Variants in TMEFF2 observed in about 807,000 individuals in gnomAD.
TMEFF2 encodes transmembrane protein with EGF like and two follistatin like domains 2.
In TMEFF2, 28 loss-of-function variants were observed where a neutral mutation model predicts 53.8. That is an observed-to-expected ratio of 0.52 (90% CI 0.39 to 0.71). The LOEUF (loss-of-function observed/expected upper bound fraction) is 0.71. Among genes scored for constraint, TMEFF2 ranks in the 30% least tolerant of loss-of-function variants. The pLI, the probability that TMEFF2 is intolerant of heterozygous loss-of-function variation, is 0.00. For missense variants in TMEFF2, 353 were observed against 455.2 expected, an observed-to-expected ratio of 0.78 and a Z score of 2.04; for synonymous variants, 162 against 166.3, an observed-to-expected ratio of 0.97 and a Z score of 0.20.
chr2:192,067,723 C>T (rs1688199781), intron 4 of TMEFF2, among the ~76,000 whole-genome samples: 1 of 151,796 alleles, frequency 6.6e-6, no homozygotes, highest in African/African-American at 2.4e-5. Flanking sequence ...TTTGAATAAT[C>T]AAATAAAGAC....
chr2:192,194,807 C>T lies in TMEFF2; in HGVS notation c.-283G>A. On this transcript the variant is annotated 5_prime_UTR_variant, in exon 1 of 10. Coordinates refer to ENST00000272771, the MANE Select transcript of TMEFF2 (RefSeq NM_016192.4). The surrounding 1 kb of genome is among the most constrained non-coding windows in gnomAD (Gnocchi z 4.2). ...CCATAAGGAGGGAGCTCTGGGAAGC[C>T]GGAGGACAGGAGGAGACGGGAGTCC... 2.2e-6 allele frequency: 1 copy of T among 457,704 alleles called. No individual in the cohort carries two copies. Among genetic ancestry groups the T allele is most frequent in the Non-Finnish European group, 4.0e-6 (1 of 249,836 alleles). 28.4% of individuals were successfully genotyped at this position (457,704 alleles called of 1,614,324 possible). A position where few individuals can be genotyped will look rare whatever the true frequency, so the allele number is the denominator to read the frequency against.
At chr2:191,960,696 A>G (rs1559061562) in intron 7 of TMEFF2, among the ~76,000 whole-genome samples, 1 of 152,198 alleles carries the variant, frequency 6.6e-6, no homozygotes, top group Non-Finnish European at 1.5e-5. Context: ...GATTCTGTGT[A>G]AGCGTTTCTG....
intron 4 of TMEFF2, chr2:192,178,119 A>T (rs920376723): frequency 1.7e-4 from 26 of 151,116 alleles, no homozygotes; most frequent in African/African-American, 6.3e-4. Context: ...ACAGTGGAAC[A>T]GTTCAGTCTC....
chr2:191,995,114 C>T (rs141534214), intron 7 of TMEFF2, among the ~76,000 whole-genome samples: 3 of 152,094 alleles, frequency 2.0e-5, no homozygotes, highest in African/African-American at 4.8e-5. Flanking sequence ...GAAGGCATTG[C>T]TCCCTTCGTT....
In TMEFF2 at chr2:192,101,173, A is replaced by G. The variant is rs558089561; in HGVS notation, c.440-43398T>C. Among the ~76,000 whole-genome samples, 7 of 152,346 alleles carry G rather than the reference A, an allele frequency of 4.6e-5. No homozygotes were observed. The South Asian group carries it at 1.4e-3, about 32-fold the overall frequency. ...TTTACTGTGTTTCAGCAGCTTAGCT[A>G]GTGAAACAGTAGAGTTTAATTATGC... On this transcript the variant is annotated intron_variant, in intron 4 of 9. Transcript: ENST00000272771.
At chr2:191,968,056 C>A (rs1332787895) in intron 7 of TMEFF2, among the ~76,000 whole-genome samples, 1 of 152,148 alleles carries the variant, frequency 6.6e-6, no homozygotes, top group Admixed American at 6.5e-5. Context: ...TATTTGGAGA[C>A]CAATTTTTTC....
intron 4 of TMEFF2, among the ~76,000 whole-genome samples, chr2:192,136,165 A>G (rs534536964): frequency 6.6e-6 from 1 of 152,302 alleles, no homozygotes; most frequent in African/African-American, 2.4e-5. Flanking sequence ...TAAACTCAGT[A>G]TTTCATGACC....
At chr2:192,109,044 T>C (rs1348145255) in intron 4 of TMEFF2, among the ~76,000 whole-genome samples, 1 of 152,032 alleles carries the variant, frequency 6.6e-6, no homozygotes, top group Non-Finnish European at 1.5e-5. Context: ...TATTGCTTAA[T>C]GGGTAGTGTT....
chr2:192,033,707 T>C (rs1307168466), intron 5 of TMEFF2, among the ~76,000 whole-genome samples: 1 of 152,052 alleles, frequency 6.6e-6, no homozygotes, highest in Non-Finnish European at 1.5e-5. Flanking sequence ...TGAATAAAGA[T>C]AGGCAGATTT....
intron 5 of TMEFF2, chr2:192,031,678 T>C (rs1559092826): frequency 6.6e-6 from 1 of 152,140 alleles, no homozygotes; most frequent in Non-Finnish European, 1.5e-5. Context: ...TCAACTAAGG[T>C]CAAAAAGTTG....
chr2:192,022,689 C>T lies in TMEFF2; in HGVS notation c.537-23481G>A, dbSNP rs76669734. Among the ~76,000 whole-genome samples, 1,288 of 152,230 alleles carry T rather than the reference C, an allele frequency of 8.5e-3. 8 individuals carry two copies. Among genetic ancestry groups the T allele is most frequent in the Non-Finnish European group, 0.013 (909 of 68,012 alleles). On this transcript the variant is annotated intron_variant, in intron 5 of 9. Coordinates refer to ENST00000272771, the MANE Select transcript of TMEFF2 (RefSeq NM_016192.4). Reference sequence around the variant, plus strand: ...GAGTGGGCATCTATTCACTAATTCACTGATTTTGCCTGAGATTTTTTCTTT... The same window carrying T: ...GAGTGGGCATCTATTCACTAATTCATTGATTTTGCCTGAGATTTTTTCTTT...
intron 4 of TMEFF2, among the ~76,000 whole-genome samples, chr2:192,062,816 A>C (rs1487928773): frequency 6.6e-6 from 1 of 151,770 alleles, no homozygotes; most frequent in Non-Finnish European, 1.5e-5. Context: ...GCTGGCTGTA[A>C]TTTTCTTTTC....
intron 7 of TMEFF2, among the ~76,000 whole-genome samples, chr2:191,972,300 A>G (rs1230046197): frequency 8.3e-6 from 1 of 120,006 alleles, no homozygotes; most frequent in Non-Finnish European, 1.7e-5. Flanking sequence ...ACCCACCATC[A>G]TGCCCAGCTT....
intron 7 of TMEFF2, among the ~76,000 whole-genome samples, chr2:191,956,678 C>T (rs35420675): frequency 0.13 from 19,598 of 152,120 alleles, 1,607 homozygotes; most frequent in East Asian, 0.23. Context: ...ACATAGGGAC[C>T]GTACATTGAT....
chr2:192,171,345 C>CT (rs959674298), intron 4 of TMEFF2, among the ~76,000 whole-genome samples: 4 of 151,898 alleles, frequency 2.6e-5, no homozygotes, highest in South Asian at 2.1e-4. Flanking sequence ...GAAACTTTAT[C>CT]TTTTTTTTCC....
chr2:192,111,949 T>G (rs1489706155), intron 4 of TMEFF2, among the ~76,000 whole-genome samples: 3 of 152,216 alleles, frequency 2.0e-5, no homozygotes, highest in African/African-American at 4.8e-5. Flanking sequence ...AGTCAAGAAT[T>G]GAGGTTTGAG....
intron 7 of TMEFF2, among the ~76,000 whole-genome samples, chr2:191,976,130 A>C (rs1685720284): frequency 6.6e-6 from 1 of 152,210 alleles, no homozygotes; most frequent in South Asian, 2.1e-4. Flanking sequence ...CTTCTTATAC[A>C]AATAAAGAGT....
intron 4 of TMEFF2, among the ~76,000 whole-genome samples, chr2:192,063,097 C>T (rs1688087386): frequency 6.6e-6 from 1 of 151,594 alleles, no homozygotes; most frequent in South Asian, 2.1e-4. Flanking sequence ...ATACTTAGGA[C>T]TTAATTTATT....
Position 192,001,033 on chromosome 2 carries a change from C to T in TMEFF2, c.537-1825G>A, listed in dbSNP as rs188101279. On this transcript the variant is annotated intron_variant, in intron 5 of 9. Coordinates refer to ENST00000272771, the MANE Select transcript of TMEFF2 (RefSeq NM_016192.4). ...CAAAGAGCTTCTGGTTCTTATAGAG[C>T]GGATGTGGATAAGTGACTCTGTAGG... Among the ~76,000 whole-genome samples, 297 of 152,210 alleles carry T rather than the reference C, an allele frequency of 2.0e-3. 1 individual carries two copies. The highest frequency in any genetic ancestry group is 1.1e-3 in the Non-Finnish European group (73 of 68,012).
Sources: gnomAD v4.1 joint callset for allele counts (sites outside exome capture counted in the v4.1 genomes callset) on GRCh38, gnomAD v4.1.1 for gene constraint, Gnocchi (gnomAD v3.1) non-coding constraint, MANE v1.5 for transcripts, NCBI Gene and HGNC (gene_info 2026-07-23, HGNC 2026-07-21) for gene names.